Variants in COL4A5 observed in about 807,000 individuals in gnomAD.
COL4A5 encodes the protein collagen alpha-5(IV) chain.
In COL4A5, 26 loss-of-function variants were observed where a neutral mutation model predicts 130.2. That is an observed-to-expected ratio of 0.20 (90% CI 0.15 to 0.28). The LOEUF (loss-of-function observed/expected upper bound fraction) is 0.28, where lower values mean the gene tolerates loss of function less well. COL4A5 is among the 10% of genes least tolerant of loss of function. COL4A5 has a pLI of 1.00. For missense variants in COL4A5, 1,131 were observed against 1,344.3 expected, an observed-to-expected ratio of 0.84 and a Z score of 2.48; for synonymous variants, 496 against 439.6, an observed-to-expected ratio of 1.13 and a Z score of -1.60.
rs148489255 is a variant in COL4A5 at position 108,582,889 on chromosome X, G to A, written c.942G>A (p.Leu314=). 4 of 1,202,317 alleles carry A rather than the reference G, an allele frequency of 3.3e-6. No individual in the cohort carries two copies. In the African/African-American group the frequency reaches 7.1e-5, roughly 21 times the overall value. The change falls in exon 17 of 53, where the codon TTG becomes TTA. Residue 314 remains leucine (L), a synonymous_variant. Coordinates refer to ENST00000328300, the MANE Select transcript of COL4A5 (RefSeq NM_033380.3). ...GENGQPGIPG[L]PGDPGYPGEP... ...CTATCCTCTATGTTTTAAAGGGTTT[G>A]CCTGGTGATCCTGGTTACCCTGGTG...
chrX:108,661,945 T>G (rs1015784223), intron 37 of COL4A5, among the ~76,000 whole-genome samples: 1 of 110,134 alleles, frequency 9.1e-6, no homozygotes, highest in East Asian at 2.8e-4. Flanking sequence ...TATTATACTT[T>G]AAGTTTTAGG....
At chrX:108,448,475 G>T (rs896423898) in intron 1 of COL4A5, among the ~76,000 whole-genome samples, 1 of 112,018 alleles carries the variant, frequency 8.9e-6, no homozygotes. Flanking sequence ...CATTAATTGA[G>T]TACTGAAAGA....
chrX:108,553,332 T>A (rs2147706582), intron 2 of COL4A5, among the ~76,000 whole-genome samples: 1 of 111,923 alleles, frequency 8.9e-6, no homozygotes, highest in South Asian at 3.7e-4. Flanking sequence ...ATTTGCAAAT[T>A]ACATATCTGA....
Position 108,625,103 on chromosome X carries a change from T to G in COL4A5, c.3017-602T>G, listed in dbSNP as rs2067127884. 2.7e-5 allele frequency among the ~76,000 whole-genome samples: 3 copies of G among 112,003 alleles called. No homozygotes were observed. In the Admixed American group the frequency reaches 2.9e-4, roughly 11 times the overall value. ...GGAAAAAAATAAAATAAAAAAAGTT[T>G]AAGGCAATACTGTGGTCCTAGGAAA... On this transcript the variant is annotated intron_variant, in intron 34 of 52. Transcript: ENST00000328300.
chrX:108,525,018 G>A (rs1049736103), intron 1 of COL4A5, among the ~76,000 whole-genome samples: 2 of 111,942 alleles, frequency 1.8e-5, no homozygotes, highest in Non-Finnish European at 1.9e-5. Context: ...TTGGTTTATA[G>A]TGTTGTTCAA....
At position 108,667,203 on chromosome X, in the gene COL4A5, G is replaced by A; in HGVS notation, c.3604+20G>A. 2 of 1,163,206 alleles carry A rather than the reference G, an allele frequency of 1.7e-6. No homozygotes were observed. The highest frequency in any genetic ancestry group is 2.3e-6 in the Non-Finnish European group (2 of 851,544). On this transcript the variant is annotated intron_variant, in intron 40 of 52. Transcript: ENST00000328300. The stretch of plus-strand genomic sequence containing the variant: ...TTTCTGGTAAACCTTAATAAAACAT[G>A]CTAAATCAATCTATAATAAAATGAG...
chrX:108,671,827 T>A (rs2068213864), intron 42 of COL4A5, among the ~76,000 whole-genome samples: 1 of 111,650 alleles, frequency 9.0e-6, no homozygotes, highest in African/African-American at 3.3e-5. Flanking sequence ...GGATTATTGA[T>A]GTAAATGGAT....
chrX:108,626,119 T>C (rs868843186), intron 35 of COL4A5, 91 bp from the exon 36 acceptor site: 1 of 940,392 alleles, frequency 1.1e-6, no homozygotes, highest in South Asian at 2.2e-5. Flanking sequence ...CGGAGCTTTT[T>C]AAAAATCTTT....
chrX:108,572,704 G>A (rs749156792), intron 8 of COL4A5, among the ~76,000 whole-genome samples: 4 of 111,098 alleles, frequency 3.6e-5, no homozygotes, highest in African/African-American at 9.8e-5. Flanking sequence ...CCACTACTCC[G>A]CCCTTACCTC....
chrX:108,657,877 A>T (rs192194849), intron 37 of COL4A5, among the ~76,000 whole-genome samples: 1 of 110,477 alleles, frequency 9.1e-6, no homozygotes, highest in African/African-American at 3.3e-5. Context: ...AGTTTGTATA[A>T]TTTTTTGTTT....
chrX:108,650,475 C>T (rs967582980), intron 36 of COL4A5, among the ~76,000 whole-genome samples: 4 of 111,567 alleles, frequency 3.6e-5, no homozygotes, highest in Non-Finnish European at 7.5e-5. Context: ...TAATTGCACA[C>T]GCATGTTTAT....
intron 2 of COL4A5, among the ~76,000 whole-genome samples, chrX:108,550,600 G>A (rs2065737221): frequency 8.9e-6 from 1 of 111,964 alleles, no homozygotes; most frequent in South Asian, 3.6e-4. Context: ...GTACTCAATG[G>A]AGAAAGACTG....
chrX:108,627,533 C>T, intron 36 of COL4A5: 1 of 705,615 alleles, frequency 1.4e-6, no homozygotes, highest in Non-Finnish European at 1.7e-6. Flanking sequence ...TGTCGTCATA[C>T]ATTATATCTG....
At chrX:108,451,414 C>T (rs1013515851) in intron 1 of COL4A5, among the ~76,000 whole-genome samples, 41 of 111,974 alleles carry the variant, frequency 3.7e-4, no homozygotes, top group African/African-American at 7.8e-4. Flanking sequence ...CCTGAGGAAT[C>T]GCCACACTGT....
At chrX:108,497,711 C>T (rs1489618370) in intron 1 of COL4A5, among the ~76,000 whole-genome samples, 1 of 111,805 alleles carries the variant, frequency 8.9e-6, no homozygotes, top group Non-Finnish European at 1.9e-5. Context: ...ACCTATTTCT[C>T]TCTGGAGGTT....
chrX:108,449,314 AC>A (rs1325267547), intron 1 of COL4A5, among the ~76,000 whole-genome samples: 1 of 112,252 alleles, frequency 8.9e-6, no homozygotes, highest in East Asian at 2.8e-4. Flanking sequence ...ATCAGTTGAT[AC>A]AAAAGATTTG....
chrX:108,568,873 A>G, intron 6 of COL4A5, 52 bp downstream of exon 6: 1 of 1,039,293 alleles, frequency 9.6e-7, no homozygotes, highest in South Asian at 1.9e-5. Context: ...TAATTAACTT[A>G]AAAACCTAAA....
intron 1 of COL4A5, among the ~76,000 whole-genome samples, chrX:108,531,225 G>T: frequency 1.7e-5 from 1 of 59,399 alleles, no homozygotes; most frequent in African/African-American, 6.4e-5. Flanking sequence ...GGGGGGAGGG[G>T]GGAGGGATAG....
chrX:108,465,503 C>T (rs1165868493), intron 1 of COL4A5, among the ~76,000 whole-genome samples: 2 of 111,650 alleles, frequency 1.8e-5, no homozygotes, highest in Non-Finnish European at 3.8e-5. Context: ...TATACACACA[C>T]GTATATTATA....
Sources: allele counts gnomAD v4.1 joint callset (sites outside exome capture counted in the v4.1 genomes callset), GRCh38; gene constraint gnomAD v4.1.1; transcripts MANE v1.5; gene names NCBI Gene and HGNC (gene_info 2026-07-23, HGNC 2026-07-21).